FASN: variants seen among roughly 807,000 people sequenced by gnomAD.
FASN encodes fatty acid synthase.
FASN carries 50 observed loss-of-function variants against 250.0 expected under a neutral mutation model. That is an observed-to-expected ratio of 0.20 (90% CI 0.16 to 0.25). FASN has a LOEUF of 0.25. Ranked by LOEUF, FASN falls within the 10% of genes least tolerant of loss-of-function variation. The pLI, the probability that FASN is intolerant of heterozygous loss-of-function variation, is 1.00. For missense variants in FASN, 3,031 were observed against 3,498.5 expected, an observed-to-expected ratio of 0.87 and a Z score of 3.37; for synonymous variants, 1,909 against 1,584.0, an observed-to-expected ratio of 1.21 and a Z score of -4.87.
rs955429830 is a variant in FASN at position 82,092,446 on chromosome 17, C to T, written c.1029+9G>A. The T allele has an allele frequency of 3.8e-6, 6 of 1,564,542 alleles. No homozygotes were observed. Among genetic ancestry groups the T allele is most frequent in the Non-Finnish European group, 5.2e-6 (6 of 1,157,852 alleles). On this transcript the variant is annotated intron_variant, in intron 8 of 42. Coordinates refer to ENST00000306749, the MANE Select transcript of FASN (RefSeq NM_004104.5). ...AGCCTGAGGGACCCCCAAGCCCAGC[C>T]CCACCTACCTTGGCCAGGGCTGCCA...
At position 82,084,793 on chromosome 17, in the gene FASN, G is replaced by A. The variant is rs1245239868; in HGVS notation, c.4564+6C>T. 4 of 1,550,086 alleles carry A rather than the reference G, an allele frequency of 2.6e-6. No homozygotes were observed. Among genetic ancestry groups the A allele is most frequent in the Non-Finnish European group, 2.6e-6 (3 of 1,146,978 alleles). ...CGGGAGGGGCAGGGCAGTGTCGGGG[G>A]CTCACCCTCCTCCAGCAGGAAGTGG... is the stretch of plus-strand genomic sequence containing the variant. On this transcript the variant is annotated splice_donor_region_variant and intron_variant, in intron 26 of 42. Coordinates refer to ENST00000306749, the MANE Select transcript of FASN (RefSeq NM_004104.5).
In FASN at chr17:82,093,745, T is replaced by A; in HGVS notation, c.307A>T (p.Thr103Ser). ...ACGCCCACCCAGACGCCAGTGTGTG[T>A]TCCTCGGAGTGAATCTGGGTTGATG... ...GGINPDSLRG[T>S]HTGVWVGVSG... The change falls in exon 4 of 43, where the codon ACA becomes TCA. Residue 103 changes from threonine (T) to serine (S), a missense_variant. Thr to Ser is a moderately conservative substitution (Grantham distance 58). Coordinates refer to ENST00000306749, the MANE Select transcript of FASN (RefSeq NM_004104.5). 1 of 1,612,538 alleles carries A rather than the reference T, an allele frequency of 6.2e-7. No individual in the cohort carries two copies. Among genetic ancestry groups the A allele is most frequent in the South Asian group, 1.1e-5 (1 of 91,070 alleles).
intron 39 of FASN, 36 bp from the exon 40 acceptor site, chr17:82,080,626 G>A (rs1191953131): frequency 1.3e-6 from 2 of 1,551,520 alleles, no homozygotes; most frequent in South Asian, 1.2e-5. Context: ...GCATGTGCAG[G>A]CGGCAGCCAC....
chr17:82,086,950 A>G, intron 21 of FASN, 100 bp downstream of exon 21: 2 of 1,411,558 alleles, frequency 1.4e-6, no homozygotes. Context: ...GCTGACCCCA[A>G]AGGGGGCCCC....
Position 82,083,390 on chromosome 17 carries a change from C to T in FASN, c.5377G>A (p.Gly1793Arg). ...AIFLKNVTFH[G>R]VLLDAFFNES... is the part of the protein sequence containing the mutation. ...TTGAAGAACGCATCCAGTAGGACCC[C>T]GTGGAATGTCACGTTCTTCAGGAAG... The change falls in exon 32 of 43, where the codon GGG (glycine) becomes AGG (arginine). Residue 1793 changes from glycine to arginine, a missense_variant. Coordinates refer to ENST00000306749, the MANE Select transcript of FASN (RefSeq NM_004104.5). 6.2e-7 allele frequency: 1 copy of T among 1,612,790 alleles called. No individual in the cohort carries two copies. The highest frequency in any genetic ancestry group is 1.1e-5 in the South Asian group (1 of 91,080).
Position 82,081,865 on chromosome 17 carries a change from G to A in FASN, c.6164-22C>T, listed in dbSNP as rs571636237. 827 of 1,572,552 alleles carry A rather than the reference G, an allele frequency of 5.3e-4. 2 individuals carry two copies. The highest frequency in any genetic ancestry group is 2.5e-4 in the Non-Finnish European group (295 of 1,161,270). On this transcript the variant is annotated intron_variant, in intron 36 of 42. Transcript: ENST00000306749. ...AGGCCTGTGGGGGAGGGGGCAGGTG[G>A]GCAGAGCTGCGGGGAGGTCGGGGTG...
rs769777252 is a variant in FASN at position 82,093,015 on chromosome 17, A to C, written c.660T>G (p.Asn220Lys). ...CCACACCCTCCGAGCGGCAGTACCC[A>C]TTCCCTGGGTAGAGCAGCACCTCAG... is the stretch of plus-strand genomic sequence containing the variant. ...GTCKAFDTAG[N>K]GYCRSEGVVA... is the part of the protein sequence containing the mutation. Residue 220 changes from asparagine (N) to lysine (K), a missense_variant, in exon 6 of 43, where the codon AAT (asparagine) becomes AAG (lysine). By Grantham distance (94) the Asn-to-Lys change is moderately conservative. Coordinates refer to ENST00000306749, the MANE Select transcript of FASN (RefSeq NM_004104.5). 1.2e-6 allele frequency: 2 copies of C among 1,611,986 alleles called. No individual in the cohort carries two copies. Among genetic ancestry groups the C allele is most frequent in the South Asian group, 2.2e-5 (2 of 91,010 alleles).
chr17:82,097,500 T>G (rs1206670256), intron 1 of FASN: 1 of 152,346 alleles, frequency 6.6e-6, no homozygotes, highest in African/African-American at 2.4e-5. Flanking sequence ...CCCGCTGCGA[T>G]TCACAGAGGC....
In FASN at chr17:82,086,378, G is replaced by T; in HGVS notation, c.3608C>A (p.Ala1203Asp). Residue 1203 changes from alanine (A) to aspartate (D), a missense_variant, in exon 22 of 43, where the codon GCC becomes GAC. Coordinates refer to ENST00000306749, the MANE Select transcript of FASN (RefSeq NM_004104.5). ...CTCTGGCAGCTTGGGCCTCTCCTGG[G>T]CCAGCACCTGCGCCAGCTCCAGCTG... ...NLQLELAQVL[A>D]QERPKLPEDP... is the part of the protein sequence containing the mutation. 2.5e-6 allele frequency: 4 copies of T among 1,609,454 alleles called. No homozygotes were observed. The highest frequency in any genetic ancestry group is 3.4e-6 in the Non-Finnish European group (4 of 1,179,766).
At chr17:82,095,914 G>C (rs2034294860) in intron 2 of FASN, among the ~76,000 whole-genome samples, 1 of 152,226 alleles carries the variant, frequency 6.6e-6, no homozygotes. Flanking sequence ...ACAGGCAGGG[G>C]CAGCCTGGCC....
chr17:82,087,864 G>A lies in FASN; in HGVS notation c.2867-3C>T. 1.9e-6 allele frequency: 3 copies of A among 1,612,612 alleles called. No individual in the cohort carries two copies. The highest frequency in any genetic ancestry group is 1.1e-5 in the South Asian group (1 of 91,088). On this transcript the variant is annotated splice_polypyrimidine_tract_variant and splice_region_variant and intron_variant, in intron 18 of 42. Transcript: ENST00000306749. ...GTCATCCCACTGGTACACCTTCCCT[G>A]TGGAAAGGGAGGTGCGGAAGGGCCT...
Position 82,085,784 on chromosome 17 carries a change from C to A in FASN, c.3820G>T (p.Asp1274Tyr). 2 of 1,562,658 alleles carry A rather than the reference C, an allele frequency of 1.3e-6. No individual in the cohort carries two copies. Among genetic ancestry groups the A allele is most frequent in the Non-Finnish European group, 1.7e-6 (2 of 1,154,646 alleles). ...GCCTCCAGGGCCTGGGGGTGGCGGT[C>A]GGTGGCCGTGTAGCTCAGCTGCAGC... ...PLLQLSYTATDRHPQALEAAQ... is the reference protein window; with the variant it reads ...PLLQLSYTATYRHPQALEAAQ... The change falls in exon 23 of 43, where the codon GAC becomes TAC. Residue 1274 changes from aspartate (D) to tyrosine (Y), a missense_variant. By Grantham distance (160) the Asp-to-Tyr change is radical (BLOSUM62 -3). Transcript: ENST00000306749.
In FASN at chr17:82,083,291, G is replaced by A; in HGVS notation, c.5476C>T (p.Leu1826Phe). The A allele has an allele frequency of 6.2e-7, 1 of 1,612,758 alleles. No homozygotes were observed. Among genetic ancestry groups the A allele is most frequent in the Non-Finnish European group, 8.5e-7 (1 of 1,180,004 alleles). The change falls in exon 32 of 43, where the codon CTC becomes TTC. Residue 1826 changes from leucine (L) to phenylalanine (F), a missense_variant. Leu to Phe is a conservative substitution (Grantham distance 22). Transcript: ENST00000306749. The part of the protein sequence containing the change: ...AGIRDGVVRP[L>F]KCTVFHGAQV... The stretch of plus-strand genomic sequence containing the variant: ...GCCCCATGGAACACCGTGCACTTGA[G>A]GGGCCGTACCACCCCATCCCGGATG...
chr17:82,087,924 C>T (rs370079053), intron 18 of FASN, 30 bp downstream of exon 18: 87 of 1,612,124 alleles, frequency 5.4e-5, no homozygotes, highest in East Asian at 4.9e-4. Context: ...GCACAGCCTC[C>T]GCAGCTCCCG....
Position 82,091,046 on chromosome 17 carries a change from T to A in FASN, c.1516A>T (p.Met506Leu). 6.2e-7 allele frequency: 1 copy of A among 1,612,368 alleles called. No homozygotes were observed. The highest frequency in any genetic ancestry group is 8.5e-7 in the Non-Finnish European group (1 of 1,179,948). ...TCCAGGCGCATGAGGCTCAGCCCCA[T>A]CCCGCGCCACTGTGTGCCCATCCCT... is the stretch of plus-strand genomic sequence containing the variant. ...CSGMGTQWRG[M>L]GLSLMRLDRF... is the part of the protein sequence containing the mutation. The change falls in exon 10 of 43, where the codon ATG (methionine) becomes TTG (leucine). Residue 506 changes from methionine to leucine, a missense_variant. Transcript: ENST00000306749.
In FASN at chr17:82,092,907, G is replaced by T; in HGVS notation, c.768C>A (p.Phe256Leu). 1 of 1,603,382 alleles carries T rather than the reference G, an allele frequency of 6.2e-7. No individual in the cohort carries two copies. The highest frequency in any genetic ancestry group is 1.3e-5 in the African/African-American group (1 of 74,924). Residue 256 changes from phenylalanine (F) to leucine (L), a missense_variant, in exon 6 of 43, where the codon TTC becomes TTA. Transcript: ENST00000306749. ...CCCGGCAGAGCCCACCTTGCTCCTT[G>T]AAGCCATCTGTATTGGTGCCGGCGT... Reference protein sequence around the residue: ...ILNAGTNTDGFKEQGVTFPSG... With the variant: ...ILNAGTNTDGLKEQGVTFPSG...
In FASN at chr17:82,093,251, G is replaced by A. The variant is rs1178522685; in HGVS notation, c.623C>T (p.Pro208Leu). The change falls in exon 5 of 43, where the codon CCC becomes CTC. Residue 208 changes from proline (P) to leucine (L), a missense_variant. Coordinates refer to ENST00000306749, the MANE Select transcript of FASN (RefSeq NM_004104.5). ...GTCGAAGGCCTTGCAGGTGCCCTCG[G>A]GGCTGAGCATCCCCAGCCTCAAGAA... ...VQFLRLGMLSPEGTCKAFDTA... is the reference protein window; with the variant it reads ...VQFLRLGMLSLEGTCKAFDTA... 2 of 1,592,120 alleles carry A rather than the reference G, an allele frequency of 1.3e-6. No homozygotes were observed. The highest frequency in any genetic ancestry group is 1.1e-5 in the South Asian group (1 of 87,864).
At position 82,080,507 on chromosome 17, in the gene FASN, C is replaced by A; in HGVS notation, c.6910G>T (p.Val2304Leu). 4 of 1,564,378 alleles carry A rather than the reference C, an allele frequency of 2.6e-6. No individual in the cohort carries two copies. The highest frequency in any genetic ancestry group is 3.5e-6 in the Non-Finnish European group (4 of 1,155,604). Residue 2304 changes from valine (V) to leucine (L), a missense_variant, in exon 40 of 43, where the codon GTG becomes TTG. Coordinates refer to ENST00000306749, the MANE Select transcript of FASN (RefSeq NM_004104.5). Reference sequence around the variant, plus strand: ...CAGGCCCCGTAGGAGTAGCCGGCCACGCGGTAGGGGCCCTCGGGCTGCACC... The same window carrying A: ...CAGGCCCCGTAGGAGTAGCCGGCCAAGCGGTAGGGGCCCTCGGGCTGCACC... Reference protein sequence around the residue: ...RQVQPEGPYRVAGYSYGACVA... With the variant: ...RQVQPEGPYRLAGYSYGACVA...
rs1312884166 is a variant in FASN at position 82,084,891 on chromosome 17, G to A, written c.4472C>T (p.Ala1491Val). Residue 1491 changes from alanine to valine, a missense_variant, in exon 26 of 43, where the codon GCA (alanine) becomes GTA (valine). Physicochemically the swap from Ala to Val is moderately conservative, Grantham distance 64. Coordinates refer to ENST00000306749, the MANE Select transcript of FASN (RefSeq NM_004104.5). ...SHVPEVDPGS[A>V]ELQKVLQGDL... ...TCCCTGCAACACCTTCTGCAGTTCT[G>A]CGGAGCCCGGGTCCACCTCCGGGAC... 2 of 1,551,108 alleles carry A rather than the reference G, an allele frequency of 1.3e-6. No individual in the cohort carries two copies. Among genetic ancestry groups the A allele is most frequent in the South Asian group, 2.4e-5 (2 of 84,188 alleles).
Sources: gnomAD v4.1 joint callset for allele counts (sites outside exome capture counted in the v4.1 genomes callset) on GRCh38, gnomAD v4.1.1 for gene constraint, MANE v1.5 for transcripts, NCBI Gene and HGNC (gene_info 2026-07-23, HGNC 2026-07-21) for gene names.